Variants in FAF1 observed in about 807,000 individuals in gnomAD.
FAF1 encodes FAS-associated factor 1.
A neutral mutation model predicts 92.5 loss-of-function variants in FAF1; 25 were observed. The observed-to-expected ratio is 0.27, with a 90% confidence interval of 0.20 to 0.38. The LOEUF is 0.38. FAF1 is among the 10% of genes least tolerant of loss of function. FAF1 has a pLI of 1.00. For missense variants in FAF1, 636 were observed against 793.3 expected (o/e 0.80, Z 2.38); for synonymous variants, 234 against 273.2 (o/e 0.86, Z 1.42).
chr1:50,941,296 G>T (rs750260552), intron 1 of FAF1, among the ~76,000 whole-genome samples: 1 of 152,090 alleles, frequency 6.6e-6, no homozygotes. Context: ...TGCAACCTCC[G>T]CCTCCTGGGT....
chr1:50,449,201 G>A (rs184099836), intron 18 of FAF1, among the ~76,000 whole-genome samples: 4 of 152,082 alleles, frequency 2.6e-5, no homozygotes, highest in African/African-American at 4.8e-5. Context: ...TTATCTAAAC[G>A]TTAAAGCTAT....
intron 14 of FAF1, among the ~76,000 whole-genome samples, chr1:50,538,374 C>T (rs1051947387): frequency 2.0e-5 from 3 of 151,890 alleles, no homozygotes; most frequent in Non-Finnish European, 4.4e-5. Flanking sequence ...ATTTTTACTG[C>T]TTCATCAAGG....
intron 10 of FAF1, 62 bp downstream of exon 10, chr1:50,584,623 A>T (rs575493791): frequency 1.3e-6 from 2 of 1,524,786 alleles, no homozygotes; most frequent in Admixed American, 1.8e-5. Context: ...AATGTTCTTC[A>T]TAAGTTTGTG....
At chr1:50,766,635 G>C (rs1660580903) in intron 4 of FAF1, among the ~76,000 whole-genome samples, 1 of 152,002 alleles carries the variant, frequency 6.6e-6, no homozygotes, top group South Asian at 2.1e-4. Context: ...GGAAGCTGGG[G>C]ATCCAGCACA....
chr1:50,565,265 T>C (rs1319583481), intron 13 of FAF1, among the ~76,000 whole-genome samples: 1 of 152,080 alleles, frequency 6.6e-6, no homozygotes, highest in African/African-American at 2.4e-5. Flanking sequence ...GTGGTTCCTA[T>C]AAATGTTTAT....
intron 15 of FAF1, among the ~76,000 whole-genome samples, chr1:50,516,361 G>T (rs1160845005): frequency 2.0e-5 from 3 of 151,942 alleles, no homozygotes; most frequent in African/African-American, 4.8e-5. Context: ...AACCAATCTG[G>T]TCTCTAACAG....
intron 2 of FAF1, among the ~76,000 whole-genome samples, chr1:50,807,685 C>G (rs6588392): frequency 0.31 from 47,109 of 151,990 alleles, 7,607 homozygotes; most frequent in Middle Eastern, 0.5. Flanking sequence ...GTCTGAAGAC[C>G]AGTTCTCCAA....
intron 1 of FAF1, among the ~76,000 whole-genome samples, chr1:50,945,034 G>C (rs1645163153): frequency 6.6e-6 from 1 of 152,216 alleles, no homozygotes; most frequent in Non-Finnish European, 1.5e-5. Flanking sequence ...TGTAGAATCA[G>C]AAATCGTTGA....
At chr1:50,865,330 A>T (rs1644471136) in intron 1 of FAF1, among the ~76,000 whole-genome samples, 1 of 151,522 alleles carries the variant, frequency 6.6e-6, no homozygotes, top group African/African-American at 2.4e-5. Flanking sequence ...CAGCCATCCC[A>T]TTACTGGGTA....
intron 5 of FAF1, among the ~76,000 whole-genome samples, chr1:50,739,413 T>TAC (rs1659296330): frequency 1.3e-5 from 2 of 149,994 alleles, no homozygotes; most frequent in African/African-American, 2.5e-5. Context: ...TGTGTATACA[T>TAC]GTGAGTGTAT....
chr1:50,727,026 A>G (rs1275259401), intron 6 of FAF1, among the ~76,000 whole-genome samples: 3 of 152,232 alleles, frequency 2.0e-5, no homozygotes, highest in African/African-American at 4.8e-5. Context: ...ATATTTATAC[A>G]TGGCCTTAGG....
chr1:50,491,329 T>A (rs975069257), intron 16 of FAF1, among the ~76,000 whole-genome samples: 1 of 152,222 alleles, frequency 6.6e-6, no homozygotes, highest in Non-Finnish European at 1.5e-5. Flanking sequence ...GAGCAGAAAC[T>A]GTGGCCTATT....
At chr1:50,691,688 T>G (rs890777651) in intron 7 of FAF1, among the ~76,000 whole-genome samples, 1 of 152,148 alleles carries the variant, frequency 6.6e-6, no homozygotes, top group Non-Finnish European at 1.5e-5. Flanking sequence ...CCTCCCGGGT[T>G]CAAGCAATTC....
chr1:50,844,250 G>A (rs1474430637), intron 2 of FAF1, among the ~76,000 whole-genome samples: 1 of 151,998 alleles, frequency 6.6e-6, no homozygotes, highest in Non-Finnish European at 1.5e-5. Flanking sequence ...CAGTTGAGTT[G>A]AATTCCTTAT....
At chr1:50,451,709 T>C (rs1646295599) in intron 18 of FAF1, 1 of 268,892 alleles carries the variant, frequency 3.7e-6, no homozygotes, top group African/African-American at 2.3e-5. Flanking sequence ...ACAGAGCTAG[T>C]AATTGTTAGA....
chr1:50,693,940 T>G (rs1657053764), intron 7 of FAF1, among the ~76,000 whole-genome samples: 1 of 144,316 alleles, frequency 6.9e-6, no homozygotes, highest in Admixed American at 6.7e-5. Context: ...TCTTAAGATA[T>G]TTACTATATT....
chr1:50,557,295 T>C (rs543824431), intron 13 of FAF1, among the ~76,000 whole-genome samples: 2 of 152,368 alleles, frequency 1.3e-5, no homozygotes, highest in Admixed American at 6.5e-5. Context: ...TAGCCAACAG[T>C]AGATAAACTG....
intron 7 of FAF1, among the ~76,000 whole-genome samples, chr1:50,662,339 CTG>C (rs1655410050): frequency 6.6e-6 from 1 of 152,192 alleles, no homozygotes; most frequent in Admixed American, 6.5e-5. Flanking sequence ...ATTCTAATAA[CTG>C]TAACTTAGTT....
intron 15 of FAF1, among the ~76,000 whole-genome samples, chr1:50,529,956 T>C (rs1648052409): frequency 6.6e-6 from 1 of 152,184 alleles, no homozygotes; most frequent in African/African-American, 2.4e-5. Context: ...GTAACTATTT[T>C]TCTAAGCAGA....
Sources: allele counts gnomAD v4.1 joint callset (sites outside exome capture counted in the v4.1 genomes callset), GRCh38; gene constraint gnomAD v4.1.1; transcripts MANE v1.5; gene names NCBI Gene and HGNC (gene_info 2026-07-23, HGNC 2026-07-21).